The following MYLK variants were observed in gnomAD, a reference collection of about 807,000 sequenced individuals.
MYLK encodes the protein myosin light chain kinase, smooth muscle.
MYLK carries 106 observed loss-of-function variants against 203.4 expected under a neutral mutation model. The observed-to-expected ratio is 0.52, with a 90% CI of 0.45 to 0.61. The LOEUF (loss-of-function observed/expected upper bound fraction) is 0.61, where lower values mean the gene tolerates loss of function less well. MYLK is among the 20% of genes least tolerant of loss of function. MYLK has a pLI of 0.00. For synonymous variants in MYLK, 867 were observed against 959.5 expected, an observed-to-expected ratio of 0.90 and a Z score of 1.78; for missense variants, 2,072 against 2,442.3, an observed-to-expected ratio of 0.85 and a Z score of 3.20.
intron 2 of MYLK, among the ~76,000 whole-genome samples, chr3:123,836,982 T>C (rs1214473061): frequency 6.6e-6 from 1 of 152,260 alleles, no homozygotes; most frequent in Non-Finnish European, 1.5e-5. Context: ...GAATCAAGTA[T>C]GTAACACGGG....
At chr3:123,683,168 T>C (rs1253318848) in intron 19 of MYLK, among the ~76,000 whole-genome samples, 1 of 152,128 alleles carries the variant, frequency 6.6e-6, no homozygotes, top group Non-Finnish European at 1.5e-5. Flanking sequence ...CCCCAGCACT[T>C]TCACTGGCCT....
At chr3:123,624,231 G>A (rs763538849) in intron 31 of MYLK, 4 of 151,376 alleles carry the variant, frequency 2.6e-5, no homozygotes, top group African/African-American at 9.7e-5. Flanking sequence ...AGGCCGAGTC[G>A]AGAAGATTGC....
intron 3 of MYLK, among the ~76,000 whole-genome samples, chr3:123,822,788 G>C (rs760466721): frequency 6.6e-6 from 1 of 152,134 alleles, no homozygotes; most frequent in Non-Finnish European, 1.5e-5. Flanking sequence ...ACTAGTCCTG[G>C]ACTTCCTTGT....
chr3:123,767,681 C>T (rs1434363057), intron 4 of MYLK, among the ~76,000 whole-genome samples: 2 of 152,166 alleles, frequency 1.3e-5, no homozygotes, highest in South Asian at 2.1e-4. Flanking sequence ...GCACTAAGCA[C>T]GTTAGCCATA....
At chr3:123,822,545 A>T (rs1396364670) in intron 3 of MYLK, among the ~76,000 whole-genome samples, 1 of 152,174 alleles carries the variant, frequency 6.6e-6, no homozygotes, top group Non-Finnish European at 1.5e-5. Context: ...GAGTATGGTA[A>T]AGAATCCCAC....
intron 29 of MYLK, among the ~76,000 whole-genome samples, chr3:123,637,604 A>G (rs1032536747): frequency 6.6e-6 from 1 of 152,202 alleles, no homozygotes; most frequent in African/African-American, 2.4e-5. Context: ...TCCATATACT[A>G]GACTCAAAGA....
chr3:123,683,363 C>G (rs1379963308), intron 19 of MYLK, among the ~76,000 whole-genome samples: 1 of 152,134 alleles, frequency 6.6e-6, no homozygotes, highest in Non-Finnish European at 1.5e-5. Flanking sequence ...GAGGAAGTGC[C>G]CTCTCATGGT....
At chr3:123,834,597 C>T (rs2066429731) in intron 2 of MYLK, among the ~76,000 whole-genome samples, 1 of 151,592 alleles carries the variant, frequency 6.6e-6, no homozygotes, top group East Asian at 1.9e-4. Context: ...TTGGGATGCG[C>T]AGTGGGATTA....
chr3:123,741,637 G>T (rs922708322), intron 5 of MYLK, among the ~76,000 whole-genome samples: 1 of 152,118 alleles, frequency 6.6e-6, no homozygotes, highest in East Asian at 1.9e-4. Flanking sequence ...CAGCACCTCC[G>T]TTTCTGTGAC....
intron 20 of MYLK, among the ~76,000 whole-genome samples, chr3:123,680,367 C>T (rs761695873): frequency 6.6e-5 from 10 of 152,166 alleles, no homozygotes; most frequent in South Asian, 4.1e-4. Flanking sequence ...ACCCAGGAGT[C>T]GGGGACAGCC....
intron 24 of MYLK, among the ~76,000 whole-genome samples, chr3:123,651,771 GC>G (rs2059219079): frequency 6.6e-6 from 1 of 152,220 alleles, no homozygotes; most frequent in Non-Finnish European, 1.5e-5. Flanking sequence ...CACAGGGCCA[GC>G]CTCTGGCCTC....
intron 2 of MYLK, among the ~76,000 whole-genome samples, chr3:123,865,797 C>T (rs1577149688): frequency 6.6e-6 from 1 of 152,154 alleles, no homozygotes; most frequent in South Asian, 2.1e-4. Context: ...AGGCTTATGG[C>T]TGCTTTGATC....
intron 18 of MYLK, among the ~76,000 whole-genome samples, chr3:123,697,747 T>G (rs1329711023): frequency 1.3e-5 from 2 of 152,222 alleles, no homozygotes; most frequent in Admixed American, 1.3e-4. Context: ...TTAAACACAA[T>G]TTAAAAATAT....
At chr3:123,865,759 A>G (rs1383057064) in intron 2 of MYLK, among the ~76,000 whole-genome samples, 1 of 152,186 alleles carries the variant, frequency 6.6e-6, no homozygotes, top group Non-Finnish European at 1.5e-5. Context: ...TGGTCTCAAA[A>G]TCTTTGACAC....
intron 19 of MYLK, among the ~76,000 whole-genome samples, chr3:123,687,606 TCCTA>T (rs2060503433): frequency 6.6e-6 from 1 of 151,094 alleles, no homozygotes; most frequent in East Asian, 2.0e-4. Flanking sequence ...CTTCCTTCCT[TCCTA>T]CCTTCATTCC....
chr3:123,756,608 T>C (rs1320247481), intron 4 of MYLK, among the ~76,000 whole-genome samples: 1 of 152,206 alleles, frequency 6.6e-6, no homozygotes, highest in Non-Finnish European at 1.5e-5. Flanking sequence ...GGAAGATTCT[T>C]TCCTTTCCCC....
intron 2 of MYLK, among the ~76,000 whole-genome samples, chr3:123,840,370 TTATATATATA>T (rs56361020): frequency 0.84 from 124,834 of 148,654 alleles, 52,476 homozygotes; most frequent in East Asian, 0.96. Flanking sequence ...CCTACAGACA[TTATATATATA>T]TATATATATA....
chr3:123,827,217 A>G (rs1560268476), intron 3 of MYLK, among the ~76,000 whole-genome samples: 2 of 152,188 alleles, frequency 1.3e-5, no homozygotes, highest in East Asian at 1.9e-4. Context: ...AAAAGAACTA[A>G]AAGGAAATCA....
At chr3:123,823,348 G>T (rs187357638) in intron 3 of MYLK, among the ~76,000 whole-genome samples, 2 of 152,008 alleles carry the variant, frequency 1.3e-5, no homozygotes, top group Non-Finnish European at 2.9e-5. Context: ...TCCAGATCTC[G>T]ACTGGCTTAT....
Sources: gnomAD v4.1 joint callset for allele counts (sites outside exome capture counted in the v4.1 genomes callset) on GRCh38, gnomAD v4.1.1 for gene constraint, MANE v1.5 for transcripts, NCBI Gene and HGNC (gene_info 2026-07-23, HGNC 2026-07-21) for gene names.